CFAP77: variants seen among roughly 807,000 people sequenced by gnomAD.
CFAP77 encodes the protein cilia and flagella associated protein 77, also known as cilia- and flagella-associated protein 77.
Under a neutral mutation model 31.1 loss-of-function variants are expected in CFAP77, and 25 were observed. The observed-to-expected ratio is 0.80, with a 90% CI of 0.59 to 1.12. The LOEUF (loss-of-function observed/expected upper bound fraction) is 1.12, where lower values mean the gene tolerates loss of function less well. Ranked by LOEUF, CFAP77 falls within the 50% of genes most tolerant of loss-of-function variation. The pLI is 0.00. For missense variants in CFAP77, 377 were observed against 397.3 expected, an observed-to-expected ratio of 0.95 and a Z score of 0.44; for synonymous variants, 151 against 159.9, an observed-to-expected ratio of 0.94 and a Z score of 0.42.
chr9:132,513,629 G>A (rs1255608597), intron 3 of CFAP77, among the ~76,000 whole-genome samples: 5 of 152,144 alleles, frequency 3.3e-5, no homozygotes, highest in Admixed American at 6.5e-5. Context: ...ACATCACCCT[G>A]TCCCACTGTC....
At chr9:132,419,265 G>A (rs1462119209) in intron 1 of CFAP77, among the ~76,000 whole-genome samples, 2 of 152,142 alleles carry the variant, frequency 1.3e-5, no homozygotes, top group Non-Finnish European at 2.9e-5. Flanking sequence ...AATCTTTTGT[G>A]TTTGTCCAGA....
intron 3 of CFAP77, among the ~76,000 whole-genome samples, chr9:132,509,067 A>G (rs1851986360): frequency 6.6e-6 from 1 of 152,220 alleles, no homozygotes; most frequent in Admixed American, 6.5e-5. Context: ...TACGAACAAC[A>G]GTTACAGCAA....
In CFAP77 at chr9:132,539,404, A is replaced by G. The variant is rs1047501969; in HGVS notation, c.630+1698A>G. Among the ~76,000 whole-genome samples, 7 of 151,992 alleles carry G rather than the reference A, an allele frequency of 4.6e-5. No homozygotes were observed. Among genetic ancestry groups the G allele is most frequent in the Non-Finnish European group, 1.0e-4 (7 of 68,006 alleles). ...TGCCCTGAGGTCAGTCTCTCCTCCT[A>G]TCATCTCAGTTTGGTTTATTTCACG... On this transcript the variant is annotated intron_variant, in intron 4 of 5. Transcript: ENST00000393216. The surrounding 1 kb of genome is among the most constrained non-coding windows in gnomAD (Gnocchi z 4.3).
intron 5 of CFAP77, among the ~76,000 whole-genome samples, chr9:132,551,143 T>G (rs1223821984): frequency 6.6e-6 from 1 of 151,926 alleles, no homozygotes; most frequent in African/African-American, 2.4e-5. Context: ...AAAAAAAATG[T>G]GGGCAGTTTG....
rs959167035 is a variant in CFAP77, at chr9:132,565,337, T to C, written c.733-7051T>C. Among the ~76,000 whole-genome samples, 4 of 152,024 alleles carry C rather than the reference T, an allele frequency of 2.6e-5. No individual in the cohort carries two copies. The highest frequency in any genetic ancestry group is 9.7e-5 in the African/African-American group (4 of 41,418). On this transcript the variant is annotated intron_variant, in intron 5 of 5. Transcript: ENST00000393216. This position sits in a 1 kb window ranked among gnomAD's most constrained non-coding sequence, Gnocchi z 4.1. ...TTCCCCAGTCCACAATCTTATTAAA[T>C]AGCTCTTGTCGGCCTGGTGCCGTGG... is the stretch of plus-strand genomic sequence containing the variant.
At chr9:132,478,974 G>A (rs1851398962) in intron 1 of CFAP77, among the ~76,000 whole-genome samples, 1 of 152,124 alleles carries the variant, frequency 6.6e-6, no homozygotes, top group Non-Finnish European at 1.5e-5. Flanking sequence ...CTGATTTTGT[G>A]CAGAGAGGAG....
chr9:132,487,679 C>T (rs1270826554), intron 1 of CFAP77, among the ~76,000 whole-genome samples: 4 of 138,380 alleles, frequency 2.9e-5, no homozygotes. Flanking sequence ...TTACTTTATA[C>T]GCCTTTGATC....
At chr9:132,514,515 C>T (rs1467105289) in intron 3 of CFAP77, among the ~76,000 whole-genome samples, 1 of 152,192 alleles carries the variant, frequency 6.6e-6, no homozygotes, top group Non-Finnish European at 1.5e-5. Flanking sequence ...GATCCCCCTG[C>T]CCAGTCGGTT....
At chr9:132,567,239 C>A (rs1473525089) in intron 5 of CFAP77, among the ~76,000 whole-genome samples, 1 of 152,166 alleles carries the variant, frequency 6.6e-6, no homozygotes. Context: ...GCCCAAAACA[C>A]CCCTTTAGAA....
At chr9:132,510,388 A>G (rs545529188) in intron 3 of CFAP77, among the ~76,000 whole-genome samples, 3 of 152,300 alleles carry the variant, frequency 2.0e-5, no homozygotes, top group Admixed American at 2.0e-4. Flanking sequence ...TGGGCCTCTT[A>G]TCGCCTCTAC....
chr9:132,473,422 C>A (rs568840534), intron 1 of CFAP77, among the ~76,000 whole-genome samples: 1 of 152,304 alleles, frequency 6.6e-6, no homozygotes, highest in African/African-American at 2.4e-5. Flanking sequence ...AGGCAAAGAA[C>A]AGTGATGTAA....
At chr9:132,475,555 G>A (rs1851336222) in intron 1 of CFAP77, among the ~76,000 whole-genome samples, 1 of 152,152 alleles carries the variant, frequency 6.6e-6, no homozygotes, top group African/African-American at 2.4e-5. Flanking sequence ...CAGTCAAGGG[G>A]TAAATCCACA....
In CFAP77 at chr9:132,455,344, TA is replaced by T. The variant is rs759875089; in HGVS notation, c.196-43346del. On this transcript the variant is annotated intron_variant, in intron 1 of 5. Transcript: ENST00000393216. This position sits in a 1 kb window ranked among gnomAD's most constrained non-coding sequence, Gnocchi z 4.1. ...CAACATGGCGAAACCTCATCTCTAC[TA>T]AAAATACAAAAATTAGCCAGGTGTG... Among the ~76,000 whole-genome samples the T allele has an allele frequency of 6.6e-6, 1 of 151,956 alleles. No homozygotes were observed. The highest frequency in any genetic ancestry group is 1.5e-5 in the Non-Finnish European group (1 of 68,000).
At chr9:132,548,282 T>TGGTGGTTTTGGGGGGGGGGGGGGG (rs1852765879) in intron 5 of CFAP77, among the ~76,000 whole-genome samples, 1 of 33,942 alleles carries the variant, frequency 2.9e-5, no homozygotes, top group African/African-American at 1.1e-4. Context: ...GGCGGGGGGG[T>TGGTGGTTTTGGGGGGGGGGGGGGG]GGGGGGTGAA....
chr9:132,510,593 C>T (rs1181075141), intron 3 of CFAP77, among the ~76,000 whole-genome samples: 2 of 152,194 alleles, frequency 1.3e-5, no homozygotes, highest in African/African-American at 4.8e-5. Context: ...AAAGTAGTCA[C>T]AGAATGAGCG....
At chr9:132,513,345 T>C in intron 3 of CFAP77, 1 of 1,544,280 alleles carries the variant, frequency 6.5e-7, no homozygotes, top group Non-Finnish European at 8.7e-7. Flanking sequence ...GCTAACCATC[T>C]GGCCGCTTTC....
rs563900619 is a variant in CFAP77 at position 132,548,068 on chromosome 9, T to C, written c.732+5021T>C. ...AGACTGGATGCCACTGATGAAGAGA[T>C]GGCTCAAGTACACGTTAGGAGACCT... On this transcript the variant is annotated intron_variant, in intron 5 of 5. Transcript: ENST00000393216. Among the ~76,000 whole-genome samples the C allele has an allele frequency of 5.3e-5, 8 of 152,342 alleles. 1 individual carries two copies. Among genetic ancestry groups the C allele is most frequent in the East Asian group, 3.9e-4 (2 of 5,184 alleles).
intron 4 of CFAP77, among the ~76,000 whole-genome samples, chr9:132,540,209 C>T (rs1391866495): frequency 2.0e-5 from 3 of 151,948 alleles, no homozygotes; most frequent in East Asian, 1.9e-4. Context: ...GGACTACAGG[C>T]ATGAGCCACT....
At chr9:132,474,797 A>G (rs1463669541) in intron 1 of CFAP77, among the ~76,000 whole-genome samples, 2 of 152,216 alleles carry the variant, frequency 1.3e-5, no homozygotes, top group African/African-American at 4.8e-5. Context: ...TCTCTGAAAT[A>G]GTCAAAATTG....
Sources: allele counts gnomAD v4.1 joint callset (sites outside exome capture counted in the v4.1 genomes callset), GRCh38; gene constraint gnomAD v4.1.1; non-coding constraint Gnocchi (gnomAD v3.1); transcripts MANE v1.5; gene names NCBI Gene and HGNC (gene_info 2026-07-23, HGNC 2026-07-21).